TRAK2: variants seen among roughly 807,000 people sequenced by gnomAD.
TRAK2 encodes the protein trafficking kinesin-binding protein 2.
TRAK2 carries 81 observed loss-of-function variants against 104.6 expected under a neutral mutation model. The observed-to-expected ratio is 0.77, with a 90% CI of 0.65 to 0.93. TRAK2 has a LOEUF of 0.93. Ranked by LOEUF, TRAK2 falls within the 40% of genes least tolerant of loss-of-function variation. The pLI is 0.00. For missense variants in TRAK2, 1,002 were observed against 1,089.0 expected (o/e 0.92, Z 1.12); for synonymous variants, 406 against 394.4 (o/e 1.03, Z -0.35).
chr2:201,397,910 G>C lies in TRAK2; in HGVS notation c.690+235C>G, dbSNP rs111574874. The stretch of plus-strand genomic sequence containing the variant: ...TTAGTTACTTGCGTAAACTCCACAA[G>C]ATACATTTTCTATCCTGTGACTTTC... On this transcript the variant is annotated intron_variant, in intron 6 of 15. Coordinates refer to ENST00000332624, the MANE Select transcript of TRAK2 (RefSeq NM_015049.3). The C allele has an allele frequency of 2.4e-3, 1,342 of 569,676 alleles. 19 individuals carry two copies. Among genetic ancestry groups the C allele is most frequent in the African/African-American group, 0.022 (1,157 of 53,566 alleles). The allele number at this position is 569,676 out of a possible 1,614,324, so 35.3% of individuals were successfully genotyped here. A position where few individuals can be genotyped will look rare whatever the true frequency, so the allele number is the denominator to read the frequency against.
chr2:201,398,492 G>A (rs531211641), intron 5 of TRAK2, 138 bp from the exon 6 acceptor site: 22 of 750,560 alleles, frequency 2.9e-5, no homozygotes, highest in African/African-American at 1.1e-4. Flanking sequence ...ACTGACTAAC[G>A]CAACAAGTAC....
At chr2:201,383,837 GCCCCAGCTGCGTTATTTAT>G (rs1951364922) in intron 15 of TRAK2, among the ~76,000 whole-genome samples, 1 of 152,088 alleles carries the variant, frequency 6.6e-6, no homozygotes, top group Admixed American at 6.6e-5. Flanking sequence ...TGGGTATATT[GCCCCAGCTGCGTTATTTAT>G]TAGTTGTCTG....
At chr2:201,440,050 A>G (rs886742246) in intron 1 of TRAK2, among the ~76,000 whole-genome samples, 1 of 151,218 alleles carries the variant, frequency 6.6e-6, no homozygotes, top group Non-Finnish European at 1.5e-5. Context: ...TAACCTGCAC[A>G]TTGTGCACAT....
At chr2:201,411,674 G>T in intron 2 of TRAK2, 1 of 791,996 alleles carries the variant, frequency 1.3e-6, no homozygotes, top group South Asian at 1.3e-5. Context: ...AAGTACATTT[G>T]TAAATGCCTA....
rs772047528 is a variant in TRAK2, at chr2:201,380,596, C to T, written c.2692G>A (p.Ala898Thr). ...GGTGAGGATGTGCAAACTGGGGCAGCAAAGCTACCCATTATGACTGGAAGA... is the reference window on the plus strand; with the variant it reads ...GGTGAGGATGTGCAAACTGGGGCAGTAAAGCTACCCATTATGACTGGAAGA... ...QSLPVIMGSFAAPVCTSSPKM... is the reference protein window; with the variant it reads ...QSLPVIMGSFTAPVCTSSPKM... Residue 898 changes from alanine (A) to threonine (T), a missense_variant, in exon 16 of 16, where the codon GCT (alanine) becomes ACT (threonine). Transcript: ENST00000332624. The T allele has an allele frequency of 6.2e-7, 1 of 1,613,936 alleles. No individual in the cohort carries two copies. The highest frequency in any genetic ancestry group is 8.5e-7 in the Non-Finnish European group (1 of 1,179,940).
At chr2:201,394,183 T>A (rs542376929) in intron 9 of TRAK2, among the ~76,000 whole-genome samples, 1 of 152,202 alleles carries the variant, frequency 6.6e-6, no homozygotes, top group Non-Finnish European at 1.5e-5. Context: ...CTAGAACTTA[T>A]CTTATTTTAA....
intron 1 of TRAK2, among the ~76,000 whole-genome samples, chr2:201,422,237 TG>T (rs1281261452): frequency 1.3e-5 from 2 of 151,800 alleles, no homozygotes; most frequent in East Asian, 3.9e-4. Context: ...GGTATTGGTT[TG>T]GGGGGAAAAA....
intron 14 of TRAK2, among the ~76,000 whole-genome samples, 182 bp downstream of exon 14, chr2:201,386,036 G>A (rs997278583): frequency 1.3e-5 from 2 of 152,114 alleles, no homozygotes; most frequent in Non-Finnish European, 2.9e-5. Context: ...ATCTACTAAC[G>A]CAGGCTGGCT....
At chr2:201,394,347 CTT>C (rs4034637) in intron 9 of TRAK2, among the ~76,000 whole-genome samples, 3 of 144,248 alleles carry the variant, frequency 2.1e-5, no homozygotes, top group South Asian at 4.3e-4. Flanking sequence ...CTTTTTCTTT[CTT>C]TTTTTTTTTT....
chr2:201,388,527 AAAC>A (rs1424422483), intron 12 of TRAK2, among the ~76,000 whole-genome samples: 4 of 152,238 alleles, frequency 2.6e-5, no homozygotes, highest in Non-Finnish European at 5.9e-5. Flanking sequence ...ATTTAAAAGG[AAAC>A]AACAAAATTT....
chr2:201,418,179 G>C lies in TRAK2; in HGVS notation c.91+2238C>G, dbSNP rs181320685. 2.6e-5 allele frequency among the ~76,000 whole-genome samples: 4 copies of C among 152,206 alleles called. 1 individual carries two copies. Among genetic ancestry groups the C allele is most frequent in the Admixed American group, 2.6e-4 (4 of 15,282 alleles). ...ATTCTTTTTTGGGAGAAAATGACAA[G>C]CTGGTTATTATTATTAGGGACAGGC... On this transcript the variant is annotated intron_variant, in intron 2 of 15. Coordinates refer to ENST00000332624, the MANE Select transcript of TRAK2 (RefSeq NM_015049.3).
At chr2:201,423,084 C>T (rs1328725647) in intron 1 of TRAK2, among the ~76,000 whole-genome samples, 3 of 144,714 alleles carry the variant, frequency 2.1e-5, no homozygotes, top group South Asian at 2.2e-4. Context: ...CACACACACA[C>T]GAGACAGAGT....
chr2:201,404,948 G>T (rs1307581805), intron 3 of TRAK2, among the ~76,000 whole-genome samples: 2 of 152,194 alleles, frequency 1.3e-5, no homozygotes, highest in Non-Finnish European at 2.9e-5. Context: ...GAGAGAAACT[G>T]ATGATACACA....
chr2:201,449,392 T>A (rs1309275064), intron 1 of TRAK2, among the ~76,000 whole-genome samples: 2 of 152,152 alleles, frequency 1.3e-5, no homozygotes, highest in Non-Finnish European at 1.5e-5. Flanking sequence ...ATTAGTGTGA[T>A]AGGTTTGTTA....
intron 2 of TRAK2, among the ~76,000 whole-genome samples, chr2:201,415,875 T>TA (rs1322521969): frequency 6.6e-6 from 1 of 151,868 alleles, no homozygotes; most frequent in African/African-American, 2.4e-5. Context: ...CCATGCAGTA[T>TA]AAATACAAAG....
intron 1 of TRAK2, among the ~76,000 whole-genome samples, chr2:201,421,190 G>A (rs1254803900): frequency 6.6e-6 from 1 of 152,158 alleles, no homozygotes; most frequent in Non-Finnish European, 1.5e-5. Context: ...ATATGTAGAA[G>A]TAGAATGTTT....
At chr2:201,446,333 T>C (rs1951964143) in intron 1 of TRAK2, among the ~76,000 whole-genome samples, 1 of 152,218 alleles carries the variant, frequency 6.6e-6, no homozygotes, top group East Asian at 1.9e-4. Context: ...CTCCCCATTC[T>C]ACATATCCAA....
intron 10 of TRAK2, among the ~76,000 whole-genome samples, chr2:201,391,684 T>G (rs1211166225): frequency 6.6e-6 from 1 of 152,166 alleles, no homozygotes; most frequent in African/African-American, 2.4e-5. Flanking sequence ...AACCAAGAGA[T>G]CAAAGTTAAT....
chr2:201,384,117 G>A lies in TRAK2; in HGVS notation c.2063C>T (p.Thr688Ile). 1 of 1,609,422 alleles carries A rather than the reference G, an allele frequency of 6.2e-7. No individual in the cohort carries two copies. Among genetic ancestry groups the A allele is most frequent in the South Asian group, 1.1e-5 (1 of 90,080 alleles). Residue 688 changes from threonine (T) to isoleucine (I), a missense_variant, in exon 15 of 16, where the codon ACC becomes ATC. Physicochemically the swap from Thr to Ile is moderately conservative, Grantham distance 89. Coordinates refer to ENST00000332624, the MANE Select transcript of TRAK2 (RefSeq NM_015049.3). ...ATTTCCCAGGCACTCTTACCTGGGG[G>A]TAACCTGAGTGATGTCAGAGGGATG... Reference protein sequence around the residue: ...ILHPSDITQVTPSSGFPSLSC... With the variant: ...ILHPSDITQVIPSSGFPSLSC...
Sources: gnomAD v4.1 joint callset for allele counts (sites outside exome capture counted in the v4.1 genomes callset) on GRCh38, gnomAD v4.1.1 for gene constraint, MANE v1.5 for transcripts, NCBI Gene and HGNC (gene_info 2026-07-23, HGNC 2026-07-21) for gene names.